DLG2: variants seen among roughly 807,000 people sequenced by gnomAD.
DLG2 encodes disks large homolog 2.
DLG2 carries 45 observed loss-of-function variants against 132.5 expected under a neutral mutation model. That is an observed-to-expected ratio of 0.34 (90% CI 0.27 to 0.44). The LOEUF is 0.44. DLG2 is among the 20% of genes least tolerant of loss of function. DLG2 has a pLI of 1.00. For missense variants in DLG2, 1,045 were observed against 1,196.9 expected (o/e 0.87, Z 1.87); for synonymous variants, 424 against 419.6 (o/e 1.01, Z -0.13).
intron 7 of DLG2, among the ~76,000 whole-genome samples, chr11:84,276,340 C>T (rs750159215): frequency 6.6e-6 from 1 of 152,110 alleles, no homozygotes; most frequent in Non-Finnish European, 1.5e-5. Flanking sequence ...TGTATTCCTG[C>T]CCACTTTCAT....
chr11:84,339,401 T>G (rs2098503714), intron 7 of DLG2, among the ~76,000 whole-genome samples: 1 of 152,234 alleles, frequency 6.6e-6, no homozygotes, highest in Admixed American at 6.5e-5. Flanking sequence ...CTAGAAAGGT[T>G]AATTACTTGC....
At chr11:85,506,156 C>G (rs1015975363) in intron 3 of DLG2, among the ~76,000 whole-genome samples, 1 of 151,998 alleles carries the variant, frequency 6.6e-6, no homozygotes, top group East Asian at 1.9e-4. Flanking sequence ...TTGATCTTTT[C>G]AAAAAACCAG....
chr11:83,807,604 C>G (rs938989649), intron 17 of DLG2, among the ~76,000 whole-genome samples: 5 of 151,928 alleles, frequency 3.3e-5, no homozygotes, highest in African/African-American at 9.7e-5. Flanking sequence ...ATCAGGAGAA[C>G]AGAAAAGAAA....
chr11:83,856,860 T>TGAAATTGCTTTTGGC, intron 16 of DLG2, among the ~76,000 whole-genome samples: 1 of 152,218 alleles, frequency 6.6e-6, no homozygotes, highest in Non-Finnish European at 1.5e-5. Flanking sequence ...TTTGCTTTGG[T>TGAAATTGCTTTTGGC]GTAATTGCTT....
At chr11:85,040,745 A>T (rs1057458848) in intron 6 of DLG2, among the ~76,000 whole-genome samples, 1 of 151,870 alleles carries the variant, frequency 6.6e-6, no homozygotes, top group Non-Finnish European at 1.5e-5. Flanking sequence ...GTATTTACCT[A>T]TGTTGATTTG....
chr11:84,475,985 A>C (rs1602835574), intron 7 of DLG2, among the ~76,000 whole-genome samples: 1 of 152,114 alleles, frequency 6.6e-6, no homozygotes, highest in East Asian at 1.9e-4. Flanking sequence ...GATGCTCCCC[A>C]GGCCACCATC....
intron 4 of DLG2, among the ~76,000 whole-genome samples, chr11:85,220,361 G>C (rs1468874785): frequency 2.0e-5 from 3 of 151,970 alleles, no homozygotes; most frequent in African/African-American, 7.3e-5. Context: ...GGAGAATATA[G>C]TTTTTAGGTA....
chr11:85,588,791 G>A (rs1470330781), intron 3 of DLG2, among the ~76,000 whole-genome samples: 1 of 151,978 alleles, frequency 6.6e-6, no homozygotes, highest in Non-Finnish European at 1.5e-5. Flanking sequence ...TTCTCATTTG[G>A]GTAGACTATT....
intron 6 of DLG2, among the ~76,000 whole-genome samples, chr11:84,947,256 T>C (rs776776058): frequency 3.3e-5 from 5 of 152,172 alleles, no homozygotes; most frequent in Admixed American, 2.0e-4. Context: ...CAATGTGTTG[T>C]TCCTTCTGGC....
chr11:84,677,532 C>G (rs2099716258), intron 6 of DLG2, among the ~76,000 whole-genome samples: 1 of 152,022 alleles, frequency 6.6e-6, no homozygotes, highest in Non-Finnish European at 1.5e-5. Flanking sequence ...TAGCCCTGCA[C>G]AGAATCATTC....
At chr11:84,951,603 CATATATATACACATATATATGCATTCTAT>C (rs1289703832) in intron 6 of DLG2, among the ~76,000 whole-genome samples, 6 of 149,578 alleles carry the variant, frequency 4.0e-5, no homozygotes, top group South Asian at 2.1e-4. Context: ...TATATATACA[CATATATATACACATATATATGCATTCTAT>C]ATATATATAC....
chr11:84,447,504 C>A (rs983525895), intron 7 of DLG2, among the ~76,000 whole-genome samples: 2 of 152,050 alleles, frequency 1.3e-5, no homozygotes, highest in Non-Finnish European at 2.9e-5. Flanking sequence ...TGTTTTCTCC[C>A]CTTTTATGCC....
chr11:84,393,068 G>A (rs2098798345), intron 7 of DLG2, among the ~76,000 whole-genome samples: 2 of 152,132 alleles, frequency 1.3e-5, no homozygotes, highest in Non-Finnish European at 2.9e-5. Flanking sequence ...ACTTAATAAC[G>A]TGTGAGCTAT....
intron 6 of DLG2, among the ~76,000 whole-genome samples, chr11:84,819,536 C>T (rs2077451702): frequency 6.6e-6 from 1 of 151,638 alleles, no homozygotes; most frequent in Non-Finnish European, 1.5e-5. Flanking sequence ...GTCATGATCT[C>T]TTAGACAATG....
At chr11:83,586,283 C>A (rs977495710) in intron 19 of DLG2, among the ~76,000 whole-genome samples, 1 of 152,204 alleles carries the variant, frequency 6.6e-6, no homozygotes, top group African/African-American at 2.4e-5. Flanking sequence ...TGTTTACCAA[C>A]ATAGGGAGAA....
intron 6 of DLG2, among the ~76,000 whole-genome samples, chr11:84,949,036 C>T (rs1029128678): frequency 2.0e-5 from 3 of 152,072 alleles, no homozygotes; most frequent in Non-Finnish European, 4.4e-5. Context: ...TTTCGGAGGA[C>T]CCGCCCCGAA....
intron 6 of DLG2, among the ~76,000 whole-genome samples, chr11:84,790,299 T>A (rs979988444): frequency 2.0e-5 from 3 of 152,190 alleles, no homozygotes; most frequent in Non-Finnish European, 2.9e-5. Flanking sequence ...TGAGATGATA[T>A]CTCATTGTAG....
At chr11:84,714,518 A>G (rs1414698686) in intron 6 of DLG2, among the ~76,000 whole-genome samples, 2 of 147,668 alleles carry the variant, frequency 1.4e-5, no homozygotes, top group Non-Finnish European at 3.0e-5. Context: ...GGAGCCCACA[A>G]CCCATTTCCT....
At chr11:84,797,382 G>A (rs2074779380) in intron 6 of DLG2, among the ~76,000 whole-genome samples, 1 of 152,078 alleles carries the variant, frequency 6.6e-6, no homozygotes. Context: ...CCTTATGAGG[G>A]TATTTCTACA....
Sources: gnomAD v4.1 joint callset for allele counts (sites outside exome capture counted in the v4.1 genomes callset) on GRCh38, gnomAD v4.1.1 for gene constraint, MANE v1.5 for transcripts, NCBI Gene and HGNC (gene_info 2026-07-23, HGNC 2026-07-21) for gene names.